Variants in CNGB3 observed in about 807,000 individuals in gnomAD.
CNGB3 encodes cyclic nucleotide gated channel subunit beta 3.
In CNGB3, 86 loss-of-function variants were observed where a neutral mutation model predicts 92.8. The ratio of observed to expected loss-of-function variants is 0.93; its 90% CI spans 0.78 to 1.11. The LOEUF (loss-of-function observed/expected upper bound fraction) is 1.11, where lower values mean the gene tolerates loss of function less well. CNGB3 is among the 50% of genes least tolerant of loss of function. The pLI is 0.00. For synonymous variants in CNGB3, 333 were observed against 332.7 expected, an observed-to-expected ratio of 1.00 and a Z score of -0.01; for missense variants, 1,026 against 956.8, an observed-to-expected ratio of 1.07 and a Z score of -0.95.
At chr8:86,698,497 C>G (rs1824491445) in intron 3 of CNGB3, among the ~76,000 whole-genome samples, 1 of 152,170 alleles carries the variant, frequency 6.6e-6, no homozygotes, top group African/African-American at 2.4e-5. Flanking sequence ...ATTCCTTGCT[C>G]CATTCCCTCG....
chr8:86,687,040 T>A (rs1330362305), intron 3 of CNGB3, among the ~76,000 whole-genome samples: 1 of 152,072 alleles, frequency 6.6e-6, no homozygotes, highest in African/African-American at 2.4e-5. Context: ...TGTTAAAGAT[T>A]GTTCAAAACA....
intron 10 of CNGB3, among the ~76,000 whole-genome samples, chr8:86,641,356 GTAGCTATTTTTTTATTTCT>G (rs1823181259): frequency 1.3e-5 from 2 of 152,050 alleles, no homozygotes; most frequent in South Asian, 2.1e-4. Flanking sequence ...TGCCTATGCA[GTAGCTATTTTTTTATTTCT>G]TACTTTCTTA....
chr8:86,624,157 G>A (rs1404276361), intron 13 of CNGB3, among the ~76,000 whole-genome samples: 2 of 152,316 alleles, frequency 1.3e-5, no homozygotes, highest in African/African-American at 4.8e-5. Context: ...AGTGGCTCAT[G>A]CCTGTAATTC....
At chr8:86,581,406 G>C (rs1177743661) in intron 15 of CNGB3, among the ~76,000 whole-genome samples, 4 of 152,208 alleles carry the variant, frequency 2.6e-5, no homozygotes, top group African/African-American at 9.6e-5. Flanking sequence ...TTACCACCAG[G>C]AACCTCATCA....
At chr8:86,676,854 A>T (rs1356326598) in intron 3 of CNGB3, among the ~76,000 whole-genome samples, 1 of 152,218 alleles carries the variant, frequency 6.6e-6, no homozygotes, top group African/African-American at 2.4e-5. Context: ...TGGCCTATCA[A>T]CTACAAGCCA....
chr8:86,713,632 T>A (rs1329934027), intron 3 of CNGB3, among the ~76,000 whole-genome samples: 2 of 152,200 alleles, frequency 1.3e-5, no homozygotes, highest in African/African-American at 4.8e-5. Context: ...ATTTTGTAAT[T>A]GACAGAATTG....
At chr8:86,655,544 A>G (rs923255481) in intron 6 of CNGB3, among the ~76,000 whole-genome samples, 1 of 152,158 alleles carries the variant, frequency 6.6e-6, no homozygotes, top group Admixed American at 6.5e-5. Flanking sequence ...CAACTCATCC[A>G]TCAAGATTTG....
At chr8:86,593,244 T>C (rs1222766446) in intron 15 of CNGB3, among the ~76,000 whole-genome samples, 2 of 152,244 alleles carry the variant, frequency 1.3e-5, no homozygotes, top group Non-Finnish European at 2.9e-5. Context: ...AATCTGGGTA[T>C]AACTTCTAAG....
intron 3 of CNGB3, among the ~76,000 whole-genome samples, chr8:86,699,527 T>C (rs1174916452): frequency 6.6e-6 from 1 of 152,168 alleles, no homozygotes; most frequent in Non-Finnish European, 1.5e-5. Flanking sequence ...ATATATTGCA[T>C]ATAAGTACCA....
chr8:86,606,906 C>G (rs1296834690), intron 14 of CNGB3, among the ~76,000 whole-genome samples: 1 of 152,162 alleles, frequency 6.6e-6, no homozygotes, highest in African/African-American at 2.4e-5. Flanking sequence ...AATATCAGAA[C>G]TGATCTCTTA....
chr8:86,668,231 T>C (rs545155724), intron 4 of CNGB3, 63 bp from the exon 5 acceptor site: 94 of 1,570,866 alleles, frequency 6.0e-5, no homozygotes, highest in Non-Finnish European at 6.5e-5. Context: ...AGTTAAAAAC[T>C]TGAATTTCTT....
At chr8:86,693,437 T>TTATG (rs1184179510) in intron 3 of CNGB3, among the ~76,000 whole-genome samples, 1 of 104,698 alleles carries the variant, frequency 9.6e-6, no homozygotes, top group African/African-American at 5.3e-5. Flanking sequence ...TTATTATTAT[T>TTATG]TATTTATTTA....
At chr8:86,637,095 G>T (rs1194211665) in intron 10 of CNGB3, among the ~76,000 whole-genome samples, 1 of 152,232 alleles carries the variant, frequency 6.6e-6, no homozygotes, top group East Asian at 1.9e-4. Context: ...ATGTCTCTTT[G>T]AGATACAGAT....
chr8:86,611,216 A>C (rs1041910423), intron 14 of CNGB3, among the ~76,000 whole-genome samples: 3 of 152,198 alleles, frequency 2.0e-5, no homozygotes, highest in Non-Finnish European at 2.9e-5. Flanking sequence ...TTGGGAGAGC[A>C]AAATGAAGGT....
intron 11 of CNGB3, among the ~76,000 whole-genome samples, chr8:86,631,842 A>G (rs1030256404): frequency 1.3e-5 from 2 of 152,044 alleles, no homozygotes; most frequent in South Asian, 2.1e-4. Context: ...TTTATTTTCT[A>G]TGTTTTGATA....
intron 13 of CNGB3, among the ~76,000 whole-genome samples, chr8:86,614,639 G>C (rs1006525278): frequency 6.6e-6 from 1 of 152,094 alleles, no homozygotes; most frequent in Non-Finnish European, 1.5e-5. Context: ...CCAGTAGAGG[G>C]TTTTCCTAGG....
chr8:86,592,197 G>T (rs1012453551), intron 15 of CNGB3, among the ~76,000 whole-genome samples: 1 of 152,216 alleles, frequency 6.6e-6, no homozygotes, highest in Non-Finnish European at 1.5e-5. Context: ...CCCTGCTTTG[G>T]CTCACGCACG....
rs542086446 is a variant in CNGB3, at chr8:86,592,081, C to A, written c.1781+12012G>T. ...AAGCCCGTCGGAAAAGCGCAGTATT[C>A]GGGTGGGAGTGACCCGATTTTCCAG... On this transcript the variant is annotated intron_variant, in intron 15 of 17. Coordinates refer to ENST00000320005, the MANE Select transcript of CNGB3 (RefSeq NM_019098.5). Among the ~76,000 whole-genome samples the A allele has an allele frequency of 9.9e-5, 15 of 151,206 alleles. 1 individual carries two copies. In the East Asian group the frequency reaches 1.4e-3, roughly 14 times the overall value.
In CNGB3 at chr8:86,628,961, G is replaced by A. The variant is rs774267267; in HGVS notation, c.1438C>T (p.Arg480Trp). 8.7e-6 allele frequency: 14 copies of A among 1,613,738 alleles called. No individual in the cohort carries two copies. The highest frequency in any genetic ancestry group is 4.4e-5 in the South Asian group (4 of 91,082). Residue 480 changes from arginine (R) to tryptophan (W), a missense_variant, in exon 12 of 18, where the codon CGG becomes TGG. Coordinates refer to ENST00000320005, the MANE Select transcript of CNGB3 (RefSeq NM_019098.5). ...TCCCATGTATATTCATACCAAGTCC[G>A]AACTCGCTTTTGCACAAGTTTAGGA... is the stretch of plus-strand genomic sequence containing the variant. Reference protein sequence around the residue: ...SIPKLVQKRVRTWYEYTWDSQ... With the variant: ...SIPKLVQKRVWTWYEYTWDSQ...
Sources: allele counts gnomAD v4.1 joint callset (sites outside exome capture counted in the v4.1 genomes callset), GRCh38; gene constraint gnomAD v4.1.1; transcripts MANE v1.5; gene names NCBI Gene and HGNC (gene_info 2026-07-23, HGNC 2026-07-21).